CELA2A: variants seen among roughly 807,000 people sequenced by gnomAD.
CELA2A encodes chymotrypsin like elastase 2A.
Under a neutral mutation model 35.3 loss-of-function variants are expected in CELA2A, and 31 were observed. That is an observed-to-expected ratio of 0.88 (90% CI 0.66 to 1.19). The LOEUF (loss-of-function observed/expected upper bound fraction) is 1.19, where lower values mean the gene tolerates loss of function less well. Ranked by LOEUF, CELA2A falls within the 50% of genes most tolerant of loss-of-function variation. The pLI is 0.00. For missense variants in CELA2A, 330 were observed against 352.9 expected, an observed-to-expected ratio of 0.94 and a Z score of 0.52; for synonymous variants, 150 against 149.8, an observed-to-expected ratio of 1.00 and a Z score of -0.01.
At chr1:15,461,089 A>G (rs1009866011) in intron 2 of CELA2A, among the ~76,000 whole-genome samples, 1 of 152,170 alleles carries the variant, frequency 6.6e-6, no homozygotes, top group African/African-American at 2.4e-5. Flanking sequence ...TAAAACCATC[A>G]GATCTTGTGA....
At chr1:15,465,826 C>T (rs1034408588) in intron 5 of CELA2A, 173 bp from the exon 6 acceptor site, 9 of 715,738 alleles carry the variant, frequency 1.3e-5, no homozygotes, top group Non-Finnish European at 2.1e-5. Context: ...TAGCTTGAGT[C>T]AGGTGTTCAC....
intron 2 of CELA2A, among the ~76,000 whole-genome samples, chr1:15,459,799 G>A (rs185338855): frequency 6.6e-6 from 1 of 152,120 alleles, no homozygotes; most frequent in Admixed American, 6.5e-5. Context: ...CACTCTGGAG[G>A]CAAAATGTAA....
At position 15,461,619 on chromosome 1, in the gene CELA2A, T is replaced by A. The variant is rs756049001; in HGVS notation, c.188T>A (p.Ile63Lys). Residue 63 changes from isoleucine to lysine, a missense_variant, in exon 3 of 8, where the codon ATA becomes AAA. By Grantham distance (102) the Ile-to-Lys change is moderately radical (BLOSUM62 -3). Transcript: ENST00000359621. ...KWYHTCGGSL[I>K]ANSWVLTAAH... Reference sequence around the variant, plus strand: ...TACCACACCTGCGGAGGGTCCCTGATAGCCAACAGCTGGGTCCTGACGGCT... The same window carrying A: ...TACCACACCTGCGGAGGGTCCCTGAAAGCCAACAGCTGGGTCCTGACGGCT... 1 of 1,613,228 alleles carries A rather than the reference T, an allele frequency of 6.2e-7. No individual in the cohort carries two copies. Among genetic ancestry groups the A allele is most frequent in the Non-Finnish European group, 8.5e-7 (1 of 1,180,012 alleles).
intron 2 of CELA2A, among the ~76,000 whole-genome samples, chr1:15,459,329 A>G (rs928944089): frequency 8.2e-6 from 1 of 121,940 alleles, no homozygotes; most frequent in African/African-American, 2.8e-5. Flanking sequence ...CACCCGGTTA[A>G]GTTTCTTTTT....
chr1:15,462,585 T>G (rs3815785), intron 3 of CELA2A, 148 bp from the exon 4 acceptor site: 248,720 of 912,754 alleles, frequency 0.27, 34,644 homozygotes, highest in Middle Eastern at 0.37. Context: ...TAGGCCCTAT[T>G]ATAACTAACT....
rs373947119 is a variant in CELA2A at position 15,456,761 on chromosome 1, G to A, written c.8G>A (p.Arg3Lys). 1.5e-5 allele frequency: 25 copies of A among 1,614,052 alleles called. No individual in the cohort carries two copies. The African/African-American group carries it at 2.9e-4, about 19-fold the overall frequency. ...AACTCCCACGGACACACCATGATAA[G>A]GACGCTGCTGCTGTCCACTTTGGTG... MI[R>K]TLLLSTLVAG... Residue 3 changes from arginine to lysine, a missense_variant, in exon 1 of 8, where the codon AGG becomes AAG. By Grantham distance (26) the Arg-to-Lys change is conservative. Transcript: ENST00000359621.
chr1:15,460,082 C>A (rs1222977323), intron 2 of CELA2A, among the ~76,000 whole-genome samples: 1 of 152,086 alleles, frequency 6.6e-6, no homozygotes, highest in African/African-American at 2.4e-5. Context: ...TATGAGTCAC[C>A]CTGAGAGCCC....
At position 15,463,462 on chromosome 1, in the gene CELA2A, G is replaced by A; in HGVS notation, c.433G>A (p.Ala145Thr). The change falls in exon 5 of 8, where the codon GCC (alanine) becomes ACC (threonine). Residue 145 changes from alanine to threonine, a missense_variant. Physicochemically the swap from Ala to Thr is moderately conservative, Grantham distance 58. Transcript: ENST00000359621. ...DKIQLACLPP[A>T]GTILPNNYPC... The stretch of plus-strand genomic sequence containing the variant: ...GATCCAGCTGGCCTGCCTCCCTCCT[G>A]CCGGCACCATTCTACCCAACAACTA... 1.2e-6 allele frequency: 2 copies of A among 1,613,978 alleles called. No homozygotes were observed. Among genetic ancestry groups the A allele is most frequent in the Middle Eastern group, 1.7e-4 (1 of 6,058 alleles).
At chr1:15,468,989 T>A (rs1708557136) in intron 7 of CELA2A, among the ~76,000 whole-genome samples, 1 of 151,950 alleles carries the variant, frequency 6.6e-6, no homozygotes, top group Non-Finnish European at 1.5e-5. Context: ...ACCAGCCTGG[T>A]CAACACGGGG....
rs1708542113 is a variant in CELA2A at position 15,467,831 on chromosome 1, G to C, written c.792+293G>C. ...CCGCTGGGCGCCGTGGCTCATGCCT[G>C]TAATCCCAGCTCTTTGGGAGGCCAA... On this transcript the variant is annotated intron_variant, in intron 7 of 7. Coordinates refer to ENST00000359621, the MANE Select transcript of CELA2A (RefSeq NM_033440.3). Among the ~76,000 whole-genome samples the C allele has an allele frequency of 2.0e-5, 3 of 152,258 alleles. No homozygotes were observed. In the South Asian group the frequency reaches 6.2e-4, roughly 32 times the overall value.
chr1:15,471,794 C>G (rs967349489), intron 7 of CELA2A, among the ~76,000 whole-genome samples, 196 bp from the exon 8 acceptor site: 1 of 152,078 alleles, frequency 6.6e-6, no homozygotes, highest in South Asian at 2.1e-4. Context: ...ACAGGAAGAC[C>G]CTAACAGGTC....
At position 15,469,198 on chromosome 1, in the gene CELA2A, A is replaced by G. The variant is rs117402025; in HGVS notation, c.792+1660A>G. 9.3e-4 allele frequency among the ~76,000 whole-genome samples: 141 copies of G among 152,274 alleles called. 2 individuals carry two copies. In the East Asian group the frequency reaches 0.024, roughly 26 times the overall value. Reference sequence around the variant, plus strand: ...ATCTCAAAAGAAAAAAAAACACACAAAAAAGAAAGAGTTGCCCATGAGAGG... The same window carrying G: ...ATCTCAAAAGAAAAAAAAACACACAGAAAAGAAAGAGTTGCCCATGAGAGG... On this transcript the variant is annotated intron_variant, in intron 7 of 7. Transcript: ENST00000359621.
chr1:15,460,416 A>C (rs1472035978), intron 2 of CELA2A, among the ~76,000 whole-genome samples: 13 of 152,190 alleles, frequency 8.5e-5, no homozygotes, highest in African/African-American at 3.1e-4. Context: ...CAAATGGCTA[A>C]TTAAAAACAA....
chr1:15,471,935 C>G, intron 7 of CELA2A, 55 bp from the exon 8 acceptor site: 2 of 1,611,378 alleles, frequency 1.2e-6, no homozygotes, highest in Non-Finnish European at 8.5e-7. Context: ...CAGGAAACTG[C>G]CATGCACAGC....
rs777194707 is a variant in CELA2A at position 15,466,154 on chromosome 1, A to C, written c.639+10A>C. On this transcript the variant is annotated intron_variant, in intron 6 of 7. Transcript: ENST00000359621. ...GATCTCCAGCTGCAACGTGAGTACC[A>C]AAATCAGGGGCTCCGCTCCATGACA... The C allele has an allele frequency of 3.7e-6, 6 of 1,613,044 alleles. No homozygotes were observed. In the South Asian group the frequency reaches 6.6e-5, roughly 18 times the overall value.
intron 4 of CELA2A, among the ~76,000 whole-genome samples, 160 bp from the exon 5 acceptor site, chr1:15,463,226 A>C (rs1371198277): frequency 6.6e-6 from 1 of 152,080 alleles, no homozygotes; most frequent in Non-Finnish European, 1.5e-5. Flanking sequence ...CCCTTTCAAC[A>C]AGGCCCTCTG....
At chr1:15,463,291 GTA>G (rs1162399243) in intron 4 of CELA2A, 93 bp from the exon 5 acceptor site, 1 of 1,580,362 alleles carries the variant, frequency 6.3e-7, no homozygotes, top group Non-Finnish European at 8.6e-7. Flanking sequence ...GGGTAACAGG[GTA>G]CAGGGAAGAT....
At chr1:15,458,332 A>C (rs954776299) in intron 2 of CELA2A, among the ~76,000 whole-genome samples, 2 of 149,900 alleles carry the variant, frequency 1.3e-5, no homozygotes, top group Non-Finnish European at 3.0e-5. Flanking sequence ...TTTAAGAGTC[A>C]TGGTGATCCA....
Position 15,462,751 on chromosome 1 carries a change from C to T in CELA2A, c.246C>T (p.Arg82=), listed in dbSNP as rs190173301. Residue 82 remains arginine (R), a synonymous_variant, in exon 4 of 8, where the codon CGC becomes CGT. Coordinates refer to ENST00000359621, the MANE Select transcript of CELA2A (RefSeq NM_033440.3). ...AHCISSSRTY[R]VGLGRHNLYV... ...CTCCCAGCTCCTCCAGGACCTACCG[C>T]GTGGGGCTGGGCCGGCACAACCTCT... The T allele has an allele frequency of 2.0e-4, 326 of 1,614,052 alleles. 1 individual carries two copies. The highest frequency in any genetic ancestry group is 1.3e-3 in the Middle Eastern group (8 of 6,062).
Sources: gnomAD v4.1 joint callset for allele counts (sites outside exome capture counted in the v4.1 genomes callset) on GRCh38, gnomAD v4.1.1 for gene constraint, MANE v1.5 for transcripts, NCBI Gene and HGNC (gene_info 2026-07-23, HGNC 2026-07-21) for gene names.